Variants in CFAP97 observed in about 807,000 individuals in gnomAD.
CFAP97 encodes cilia and flagella associated protein 97.
CFAP97 carries 36 observed loss-of-function variants against 43.1 expected under a neutral mutation model. That is an observed-to-expected ratio of 0.84 (90% CI 0.64 to 1.10). The LOEUF (loss-of-function observed/expected upper bound fraction) is 1.10. Ranked by LOEUF, CFAP97 falls within the 50% of genes least tolerant of loss-of-function variation. CFAP97 has a pLI of 0.00. For missense variants in CFAP97, 657 were observed against 620.3 expected, an observed-to-expected ratio of 1.06 and a Z score of -0.63; for synonymous variants, 228 against 225.7, an observed-to-expected ratio of 1.01 and a Z score of -0.09.
chr4:185,209,805 C>T (rs946539186), upstream of CFAP97: 97 of 983,748 alleles, frequency 9.9e-5, no homozygotes, highest in Non-Finnish European at 1.1e-4. This position sits in a 1 kb window ranked among gnomAD's most constrained non-coding sequence, Gnocchi z 5.2. Flanking sequence ...ATGTGCCTGT[C>T]CTTAGCGGCC....
At chr4:185,191,657 C>T (rs1482515017) in intron 1 of CFAP97, among the ~76,000 whole-genome samples, 2 of 152,158 alleles carry the variant, frequency 1.3e-5, no homozygotes, top group Non-Finnish European at 2.9e-5. Context: ...TGGTGAAACC[C>T]CGTCTCTACT....
At position 185,164,081 on chromosome 4, in the gene CFAP97, T is replaced by C. The variant is rs1305593516; in HGVS notation, c.1419A>G (p.Ser473=). 6.2e-7 allele frequency: 1 copy of C among 1,614,010 alleles called. No homozygotes were observed. The highest frequency in any genetic ancestry group is 1.1e-5 in the South Asian group (1 of 91,086). Residue 473 remains serine (S), a synonymous_variant, in exon 4 of 5, where the codon TCA becomes TCG. Transcript: ENST00000458385. ...DYHRNMGYLN[S]SPLSRRARST... ...ATCTGGCCCGTCTTGACAATGGTGA[T>C]GAGTTGAGATAGCCCATATTGCGAT...
chr4:185,170,215 G>A lies in CFAP97; in HGVS notation c.1320+5571C>T, dbSNP rs575114268. 6.5e-6 allele frequency: 4 copies of A among 617,356 alleles called. No homozygotes were observed. The South Asian group carries it at 7.8e-5, about 12-fold the overall frequency. The allele number at this position is 617,356 out of a possible 1,614,324, so 38.2% of individuals were successfully genotyped here. ...ACAAAAATTAGCTGGGTGTGGTGGT[G>A]TAAGCCTGTAGTTCCAGTTACTTGG... On this transcript the variant is annotated intron_variant, in intron 3 of 4. Coordinates refer to ENST00000458385, the MANE Select transcript of CFAP97 (RefSeq NM_020827.3).
chr4:185,208,009 T>C (rs1313087820), upstream of CFAP97, among the ~76,000 whole-genome samples: 1 of 152,228 alleles, frequency 6.6e-6, no homozygotes, highest in African/African-American at 2.4e-5. Context: ...TTGAATAATT[T>C]GGGTTGGTAG....
At chr4:185,204,205 G>C (rs1012434027), upstream of CFAP97, 17 of 152,336 alleles carry the variant, frequency 1.1e-4, no homozygotes, top group African/African-American at 4.1e-4. Context: ...TCCAGCCCGC[G>C]TGGTTGCCAT....
chr4:185,198,061 C>T (rs918161501), intron 1 of CFAP97, among the ~76,000 whole-genome samples: 2 of 152,194 alleles, frequency 1.3e-5, no homozygotes, highest in Admixed American at 1.3e-4. Flanking sequence ...AAGGCCCTCA[C>T]TCACTTTCAA....
In CFAP97 at chr4:185,190,425, A is replaced by C; in HGVS notation, c.772T>G (p.Leu258Val). The C allele has an allele frequency of 6.2e-7, 1 of 1,613,602 alleles. No homozygotes were observed. The highest frequency in any genetic ancestry group is 8.5e-7 in the Non-Finnish European group (1 of 1,179,664). The change falls in exon 2 of 5, where the codon TTA (leucine) becomes GTA (valine). Residue 258 changes from leucine to valine, a missense_variant. Physicochemically the swap from Leu to Val is conservative, Grantham distance 32. Transcript: ENST00000458385. Reference sequence around the variant, plus strand: ...AGAGGGCTAATGTCTGGAGTTGATAAGGGACTTACGTCAGTCACAGTATCT... The same window carrying C: ...AGAGGGCTAATGTCTGGAGTTGATACGGGACTTACGTCAGTCACAGTATCT... ...SEDTVTDVSP[L>V]STPDISPLQS...
intron 3 of CFAP97, among the ~76,000 whole-genome samples, chr4:185,167,279 C>A (rs1409406633): frequency 6.6e-6 from 1 of 152,028 alleles, no homozygotes; most frequent in Non-Finnish European, 1.5e-5. Context: ...CCACCCTAGG[C>A]AACATGGCGA....
intron 3 of CFAP97, chr4:185,170,037 C>T (rs6814673): frequency 0.46 from 532,253 of 1,162,474 alleles, 123,182 homozygotes; most frequent in African/African-American, 0.6. Context: ...TTAATTATTC[C>T]ACATAAGAGT....
At chr4:185,169,381 C>G (rs536273603) in intron 3 of CFAP97, 1 of 160,010 alleles carries the variant, frequency 6.2e-6, no homozygotes, top group South Asian at 2.0e-4. Context: ...GCAGTTTCCC[C>G]TGTGTTCTCT....
At position 185,191,168 on chromosome 4, in the gene CFAP97, C is replaced by T. The variant is rs1344253159; in HGVS notation, c.29G>A (p.Gly10Asp). 3 of 1,590,786 alleles carry T rather than the reference C, an allele frequency of 1.9e-6. No individual in the cohort carries two copies. Among genetic ancestry groups the T allele is most frequent in the Admixed American group, 3.5e-5 (2 of 56,594 alleles). ...GTCAAAGAAAGAATGGTCCACTTCA[C>T]CTTCTAATATATCTCCAAACTGATC... The part of the protein sequence containing the change: MDQFGDILE[G>D]EVDHSFFDSD... Residue 10 changes from glycine to aspartate, a missense_variant, in exon 2 of 5, where the codon GGT becomes GAT. By Grantham distance (94) the Gly-to-Asp change is moderately conservative. Transcript: ENST00000458385.
chr4:185,198,659 CAT>C (rs1263045979), intron 1 of CFAP97, among the ~76,000 whole-genome samples: 1 of 151,816 alleles, frequency 6.6e-6, no homozygotes, highest in Non-Finnish European at 1.5e-5. Context: ...TGTGGTGGCG[CAT>C]GCCTGTAATC....
intron 2 of CFAP97, among the ~76,000 whole-genome samples, chr4:185,178,048 G>A (rs1216435444): frequency 6.6e-6 from 1 of 151,890 alleles, no homozygotes; most frequent in South Asian, 2.1e-4. Flanking sequence ...TTGCTGAAAA[G>A]TATGCCAAGT....
intron 1 of CFAP97, chr4:185,203,695 G>C (rs1427321682): frequency 2.0e-5 from 3 of 152,272 alleles, no homozygotes; most frequent in Non-Finnish European, 4.4e-5. Flanking sequence ...CAGGGGACCG[G>C]GGTGGAACGG....
chr4:185,202,085 G>A (rs562899646), intron 1 of CFAP97, among the ~76,000 whole-genome samples: 14 of 152,154 alleles, frequency 9.2e-5, no homozygotes, highest in African/African-American at 3.1e-4. Flanking sequence ...GGAGCTCCTC[G>A]TCACTTCCTC....
intron 1 of CFAP97, among the ~76,000 whole-genome samples, chr4:185,195,602 G>A (rs1736500776): frequency 6.6e-6 from 1 of 152,198 alleles, no homozygotes; most frequent in Non-Finnish European, 1.5e-5. Flanking sequence ...AACATGGATT[G>A]GAAGGATACA....
chr4:185,175,793 T>C lies in CFAP97; in HGVS notation c.1313A>G (p.Glu438Gly). Reference protein sequence around the residue: ...RQKEQQRIERENLALLKRLEA... With the variant: ...RQKEQQRIERGNLALLKRLEA... ...ATTATTTCAGTTACTTACCAAGTTTTCTCTCTCAATCCTTTGTTGTTCCTT... is the reference window on the plus strand; with the variant it reads ...ATTATTTCAGTTACTTACCAAGTTTCCTCTCTCAATCCTTTGTTGTTCCTT... Residue 438 changes from glutamate (E) to glycine (G), a missense_variant, in exon 3 of 5, where the codon GAA becomes GGA. Coordinates refer to ENST00000458385, the MANE Select transcript of CFAP97 (RefSeq NM_020827.3). The C allele has an allele frequency of 6.2e-7, 1 of 1,609,982 alleles. No individual in the cohort carries two copies. The highest frequency in any genetic ancestry group is 8.5e-7 in the Non-Finnish European group (1 of 1,177,710).
chr4:185,169,449 T>G (rs1399996805), intron 3 of CFAP97: 1 of 321,270 alleles, frequency 3.1e-6, no homozygotes, highest in Non-Finnish European at 4.5e-6. Flanking sequence ...CCAGCATGAT[T>G]CTAAGTTTCC....
chr4:185,179,626 G>GT (rs1414984114), intron 2 of CFAP97, among the ~76,000 whole-genome samples: 3 of 152,158 alleles, frequency 2.0e-5, no homozygotes, highest in Non-Finnish European at 4.4e-5. Context: ...TGGCCTTCAG[G>GT]CTGTACCAAG....
Sources: allele counts gnomAD v4.1 joint callset (sites outside exome capture counted in the v4.1 genomes callset), GRCh38; gene constraint gnomAD v4.1.1; non-coding constraint Gnocchi (gnomAD v3.1); transcripts MANE v1.5; gene names NCBI Gene and HGNC (gene_info 2026-07-23, HGNC 2026-07-21).